Variants in ANK1 observed in about 807,000 individuals in gnomAD.
ANK1 encodes ankyrin 1.
In ANK1, 51 loss-of-function variants were observed where a neutral mutation model predicts 210.4. The observed-to-expected ratio is 0.24, with a 90% CI of 0.19 to 0.31. The LOEUF (loss-of-function observed/expected upper bound fraction) is 0.31, where lower values mean the gene tolerates loss of function less well. Ranked by LOEUF, ANK1 falls within the 10% of genes least tolerant of loss-of-function variation. The pLI is 1.00. For synonymous variants in ANK1, 967 were observed against 1,025.9 expected (o/e 0.94, Z 1.10); for missense variants, 2,051 against 2,504.4 (o/e 0.82, Z 3.86).
At chr8:41,890,423 C>T (rs778949332) in intron 1 of ANK1, among the ~76,000 whole-genome samples, 1 of 152,200 alleles carries the variant, frequency 6.6e-6, no homozygotes, top group Non-Finnish European at 1.5e-5. Context: ...CAAACACTGG[C>T]TGGGTGGGGG....
Position 41,696,713 on chromosome 8 carries a change from C to T in ANK1, c.2698G>A (p.Asp900Asn). 6.2e-7 allele frequency: 1 copy of T among 1,603,004 alleles called. No homozygotes were observed. Among genetic ancestry groups the T allele is most frequent in the Non-Finnish European group, 8.5e-7 (1 of 1,179,940 alleles). The change falls in exon 25 of 43, where the codon GAC (aspartate) becomes AAC (asparagine). Residue 900 changes from aspartate to asparagine, a missense_variant. Around this residue, in one of 6 missense-constraint regions of ANK1, gnomAD observed 1,413 missense variants for 1,707.4 expected, o/e 0.83. Coordinates refer to ENST00000289734, the MANE Select transcript of ANK1 (RefSeq NM_000037.4). Reference protein sequence around the residue: ...IPSSPATETSDNISPVASPVH... With the variant: ...IPSSPATETSNNISPVASPVH... ...GGGCTGGCCACCGGGCTGATGTTGT[C>T]TGAGGTCTCGGTGGCCGGGCTGCTG...
intron 9 of ANK1, among the ~76,000 whole-genome samples, chr8:41,721,953 C>T (rs1441636982): frequency 6.6e-6 from 1 of 152,176 alleles, no homozygotes; most frequent in East Asian, 1.9e-4. Flanking sequence ...AACTTCTGGC[C>T]ATGTATTATG....
rs145541754 is a variant in ANK1 at position 41,688,814 on chromosome 8, G to A, written c.4105-225C>T. Among the ~76,000 whole-genome samples the A allele has an allele frequency of 3.0e-4, 45 of 152,268 alleles. 1 individual carries two copies. The South Asian group carries it at 6.2e-3, about 21-fold the overall frequency. On this transcript the variant is annotated intron_variant, in intron 33 of 42. Transcript: ENST00000289734. ...CGTTATTAATCACAGTCGTAATAAC[G>A]GCAAGCCCACGTCACCCCATCACCT... is the stretch of plus-strand genomic sequence containing the variant.
At chr8:41,700,338 G>C in intron 22 of ANK1, 1 of 1,361,320 alleles carries the variant, frequency 7.3e-7, no homozygotes, top group Non-Finnish European at 1.0e-6. Flanking sequence ...GAGGAAGATG[G>C]AAAGCAGGAA....
upstream of ANK1, among the ~76,000 whole-genome samples, chr8:41,801,449 T>G (rs952592912): frequency 2.6e-5 from 4 of 152,212 alleles, no homozygotes; most frequent in African/African-American, 4.8e-5. Flanking sequence ...CACTGACTTG[T>G]TTTTGAAATT....
intron 20 of ANK1, among the ~76,000 whole-genome samples, chr8:41,703,538 CA>C: frequency 6.7e-6 from 1 of 148,682 alleles, no homozygotes; most frequent in Non-Finnish European, 1.5e-5. Flanking sequence ...CACTGAACTG[CA>C]GTGGCGCAAT....
At chr8:41,720,848 A>T (rs1291534161) in intron 9 of ANK1, among the ~76,000 whole-genome samples, 3 of 152,086 alleles carry the variant, frequency 2.0e-5, no homozygotes, top group Non-Finnish European at 2.9e-5. Flanking sequence ...ACCCTAGGGG[A>T]ACCCAGGGGC....
chr8:41,712,018 G>A (rs1291203494), intron 16 of ANK1, among the ~76,000 whole-genome samples: 3 of 151,966 alleles, frequency 2.0e-5, no homozygotes, highest in Admixed American at 6.6e-5. Flanking sequence ...TCTGCCTCCC[G>A]GGTTCAAGCG....
At chr8:41,673,619 A>T (rs1813203772) in intron 37 of ANK1, among the ~76,000 whole-genome samples, 1 of 152,170 alleles carries the variant, frequency 6.6e-6, no homozygotes, top group Non-Finnish European at 1.5e-5. Flanking sequence ...GAAGGCACCA[A>T]GAGGCACCAG....
Position 41,883,930 on chromosome 8 carries a change from A to C in ANK1, c.126+12425T>G, listed in dbSNP as rs1818016413. ...GCAGCACAGTTAATGTTCATAAATCAGAGGGAGTGGCACTGGAGGGGCAGA... is the reference window on the plus strand; with the variant it reads ...GCAGCACAGTTAATGTTCATAAATCCGAGGGAGTGGCACTGGAGGGGCAGA... On this transcript the variant is annotated intron_variant, in intron 1 of 42. Coordinates refer to the ANK1 transcript ENST00000265709. Among the ~76,000 whole-genome samples the C allele has an allele frequency of 6.6e-5, 10 of 152,212 alleles. No individual in the cohort carries two copies. In the South Asian group the frequency reaches 2.1e-3, roughly 32 times the overall value.
At chr8:41,721,240 T>A (rs1829175855) in intron 9 of ANK1, among the ~76,000 whole-genome samples, 1 of 152,066 alleles carries the variant, frequency 6.6e-6, no homozygotes. Context: ...CAGGAAAATG[T>A]CACATGAAGA....
At chr8:41,712,074 G>A (rs879684323) in intron 16 of ANK1, among the ~76,000 whole-genome samples, 1 of 152,060 alleles carries the variant, frequency 6.6e-6, no homozygotes, top group African/African-American at 2.4e-5. Flanking sequence ...ACAGGTGCAC[G>A]CTGCCATGCC....
chr8:41,842,686 C>G (rs1327638603), intron 1 of ANK1, among the ~76,000 whole-genome samples: 1 of 152,072 alleles, frequency 6.6e-6, no homozygotes, highest in Admixed American at 6.6e-5. Flanking sequence ...GGAGGGGCCT[C>G]CCGGGGAATT....
rs554434027 is a variant in ANK1, at chr8:41,807,376, G to A, written c.127-49239C>T. 5.3e-5 allele frequency among the ~76,000 whole-genome samples: 8 copies of A among 152,278 alleles called. No homozygotes were observed. In the South Asian group the frequency reaches 1.7e-3, roughly 32 times the overall value. On this transcript the variant is annotated intron_variant, in intron 1 of 42. Coordinates refer to the ANK1 transcript ENST00000265709. ...ATTGCCTCCCAGATAAGACTCTAAC[G>A]TGGCTTTGAGTCACTTATAGTTTAT...
chr8:41,864,568 C>G (rs1244773255), intron 1 of ANK1, among the ~76,000 whole-genome samples: 1 of 152,166 alleles, frequency 6.6e-6, no homozygotes, highest in Non-Finnish European at 1.5e-5. Flanking sequence ...GGTAACCAAA[C>G]TCGGCTTCCT....
At chr8:41,888,828 G>A (rs1015757663) in intron 1 of ANK1, among the ~76,000 whole-genome samples, 7 of 152,102 alleles carry the variant, frequency 4.6e-5, no homozygotes, top group African/African-American at 1.7e-4. Context: ...AGGGCCCGGC[G>A]ACGGAGTCCT....
At chr8:41,703,450 A>ATATATTTTTTT (rs59985416) in intron 20 of ANK1, among the ~76,000 whole-genome samples, 2 of 58,828 alleles carry the variant, frequency 3.4e-5, no homozygotes, top group African/African-American at 1.8e-4. Context: ...ATATATATAT[A>ATATATTTTTTT]TTTTTTTTTT....
At chr8:41,663,139 T>TGC (rs1809128584) in intron 40 of ANK1, among the ~76,000 whole-genome samples, 1 of 151,864 alleles carries the variant, frequency 6.6e-6, no homozygotes, top group Non-Finnish European at 1.5e-5. Context: ...TGTGTGTGTG[T>TGC]GTATTTATTT....
intron 37 of ANK1, 83 bp from the exon 38 acceptor site, chr8:41,672,995 A>G (rs1436306973): frequency 7.2e-7 from 1 of 1,382,338 alleles, no homozygotes; most frequent in East Asian, 2.5e-5. Context: ...CACACGCACG[A>G]ACACACACAT....
Sources: gnomAD v4.1 joint callset for allele counts (sites outside exome capture counted in the v4.1 genomes callset) on GRCh38, gnomAD v4.1.1 for gene constraint, gnomAD v4.1.1 regional missense constraint, MANE v1.5 for transcripts, NCBI Gene and HGNC (gene_info 2026-07-23, HGNC 2026-07-21) for gene names.